The following SSU72 variants were observed in gnomAD, a reference collection of about 807,000 sequenced individuals.
SSU72 encodes the protein RNA polymerase II subunit A C-terminal domain phosphatase SSU72.
A neutral mutation model predicts 22.7 loss-of-function variants in SSU72; 12 were observed. The ratio of observed to expected loss-of-function variants is 0.53; its 90% CI spans 0.34 to 0.86. SSU72 has a LOEUF of 0.86. Ranked by LOEUF, SSU72 falls within the 40% of genes least tolerant of loss-of-function variation. SSU72 has a pLI of 0.02. For missense variants in SSU72, 151 were observed against 249.8 expected (o/e 0.60, Z 2.67); for synonymous variants, 116 against 98.3 (o/e 1.18, Z -1.06).
rs1025479385 is a variant in SSU72 at position 1,542,999 on chromosome 1, T to C, written c.484-832A>G. 6.6e-6 allele frequency among the ~76,000 whole-genome samples: 1 copy of C among 152,210 alleles called. No individual in the cohort carries two copies. Among genetic ancestry groups the C allele is most frequent in the Non-Finnish European group, 1.5e-5 (1 of 68,032 alleles). On this transcript the variant is annotated intron_variant, in intron 4 of 4. Coordinates refer to ENST00000291386, the MANE Select transcript of SSU72 (RefSeq NM_014188.3). This position sits in a 1 kb window ranked among gnomAD's most constrained non-coding sequence, Gnocchi z 4.4. Reference sequence around the variant, plus strand: ...GGCTTTCCAAACACACCATCTTCTTTCTTGGTGAAGCTGTTCTGTTTTTCT... The same window carrying C: ...GGCTTTCCAAACACACCATCTTCTTCCTTGGTGAAGCTGTTCTGTTTTTCT...
chr1:1,548,554 CAA>C (rs774463067), intron 2 of SSU72, among the ~76,000 whole-genome samples: 12 of 55,266 alleles, frequency 2.2e-4, no homozygotes, highest in Non-Finnish European at 3.3e-4. Context: ...GACTCTGTCT[CAA>C]AAAAAAAAAA....
At chr1:1,560,813 C>T (rs1184641382) in intron 2 of SSU72, 1 of 152,080 alleles carries the variant, frequency 6.6e-6, no homozygotes, top group African/African-American at 2.4e-5. Flanking sequence ...ACAGCAAGAC[C>T]CATATCTAAA....
At chr1:1,571,406 G>A (rs1178006392) in intron 1 of SSU72, among the ~76,000 whole-genome samples, 2 of 150,028 alleles carry the variant, frequency 1.3e-5, no homozygotes, top group Non-Finnish European at 3.0e-5. Flanking sequence ...ACTCCAGCCT[G>A]GGCGACAGAG....
intron 1 of SSU72, among the ~76,000 whole-genome samples, chr1:1,573,281 T>C (rs1398563646): frequency 9.8e-6 from 1 of 102,490 alleles, no homozygotes; most frequent in African/African-American, 5.1e-5. Flanking sequence ...AAAAAAAAAA[T>C]TAGCCGTGCC....
At chr1:1,552,988 T>A (rs1258136951) in intron 2 of SSU72, among the ~76,000 whole-genome samples, 1 of 133,780 alleles carries the variant, frequency 7.5e-6, no homozygotes, top group Non-Finnish European at 1.5e-5. Context: ...GCCATTGCAC[T>A]CCAGCCTGGG....
At chr1:1,562,822 C>T (rs1339828514) in intron 2 of SSU72, 3 of 152,340 alleles carry the variant, frequency 2.0e-5, no homozygotes, top group Non-Finnish European at 4.4e-5. Flanking sequence ...GACAGCTCCT[C>T]AGAAATCCTT....
intron 1 of SSU72, among the ~76,000 whole-genome samples, chr1:1,572,405 G>A (rs1464266604): frequency 6.7e-6 from 1 of 149,254 alleles, no homozygotes; most frequent in African/African-American, 2.5e-5. Context: ...TCCAGCCTGG[G>A]CTACAGACTC....
At chr1:1,559,967 C>T (rs1642567239) in intron 2 of SSU72, among the ~76,000 whole-genome samples, 1 of 152,122 alleles carries the variant, frequency 6.6e-6, no homozygotes, top group African/African-American at 2.4e-5. Flanking sequence ...TTGGGTGATC[C>T]GCCCACCTCG....
intron 4 of SSU72, among the ~76,000 whole-genome samples, chr1:1,543,149 G>T (rs1428719184): frequency 1.3e-5 from 2 of 152,250 alleles, no homozygotes; most frequent in African/African-American, 4.8e-5. Context: ...CAGCAGGGTG[G>T]CTACAGAAGC....
chr1:1,560,109 CT>C (rs1642569607), intron 2 of SSU72, among the ~76,000 whole-genome samples: 1 of 152,210 alleles, frequency 6.6e-6, no homozygotes. Flanking sequence ...CTGCCTCGGT[CT>C]CCCAGTATTG....
At chr1:1,550,812 G>A (rs945650712) in intron 2 of SSU72, among the ~76,000 whole-genome samples, 8 of 152,176 alleles carry the variant, frequency 5.3e-5, no homozygotes, top group African/African-American at 1.7e-4. Flanking sequence ...TTCATCAGCA[G>A]GAAGGCTGCA....
intron 2 of SSU72, among the ~76,000 whole-genome samples, chr1:1,558,490 C>T (rs1010509609): frequency 1.3e-5 from 2 of 152,218 alleles, no homozygotes; most frequent in Admixed American, 1.3e-4. Flanking sequence ...TCTCCAGCTG[C>T]ACGGCCAGAC....
At chr1:1,544,061 C>G (rs528184515) in intron 3 of SSU72, 74 bp from the exon 4 acceptor site, 3 of 1,164,858 alleles carry the variant, frequency 2.6e-6, no homozygotes, top group Admixed American at 1.8e-5. Flanking sequence ...GGCTGAGTCC[C>G]CAGCTCTGCC....
Position 1,570,911 on chromosome 1 carries a change from A to G in SSU72, c.80+3567T>C, listed in dbSNP as rs554500152. On this transcript the variant is annotated intron_variant, in intron 1 of 4. Coordinates refer to ENST00000291386, the MANE Select transcript of SSU72 (RefSeq NM_014188.3). The stretch of plus-strand genomic sequence containing the variant: ...CAGATCACGAGGTCAGGAGATCGAG[A>G]CCACCCTGGCCAACACAGTCAAACC... 8.0e-4 allele frequency among the ~76,000 whole-genome samples: 112 copies of G among 140,196 alleles called. 1 individual carries two copies. The highest frequency in any genetic ancestry group is 2.7e-3 in the African/African-American group (100 of 37,170). 92.0% of individuals were successfully genotyped at this position (140,196 alleles called of 152,430 possible). A position where few individuals can be genotyped will look rare whatever the true frequency, so the allele number is the denominator to read the frequency against.
intron 1 of SSU72, among the ~76,000 whole-genome samples, chr1:1,569,111 C>T (rs1027675009): frequency 2.6e-5 from 4 of 151,706 alleles, no homozygotes; most frequent in African/African-American, 4.9e-5. Flanking sequence ...GAGGCAGAGG[C>T]TGCAGTGAGC....
At chr1:1,573,265 CAAA>C (rs57824669) in intron 1 of SSU72, among the ~76,000 whole-genome samples, 4 of 131,296 alleles carry the variant, frequency 3.0e-5, no homozygotes, top group African/African-American at 8.4e-5. Context: ...ACTAAAAATA[CAAA>C]AAAAAAAAAA....
chr1:1,547,234 C>T (rs1022321731), intron 2 of SSU72, among the ~76,000 whole-genome samples: 1 of 152,076 alleles, frequency 6.6e-6, no homozygotes, highest in African/African-American at 2.4e-5. Flanking sequence ...GCCGTGGGGG[C>T]TCCTGGGGAT....
In SSU72 at chr1:1,564,445, AGT is replaced by A; in HGVS notation, c.224+326_224+327del. On this transcript the variant is annotated intron_variant, in intron 2 of 4. Coordinates refer to ENST00000291386, the MANE Select transcript of SSU72 (RefSeq NM_014188.3). Reference sequence around the variant, plus strand: ...AAAGGAAATAACGGGGCAGCCCTGCAGTGTGAAAAGCAATGGGATTTTGTGGG... The same window carrying A: ...AAAGGAAATAACGGGGCAGCCCTGCAGTGAAAAGCAATGGGATTTTGTGGG... 3 of 1,463,278 alleles carry A rather than the reference AGT, an allele frequency of 2.1e-6. No homozygotes were observed. The South Asian group carries it at 4.3e-5, about 21-fold the overall frequency. The allele number at this position is 1,463,278 out of a possible 1,614,324, so 90.6% of individuals were successfully genotyped here. A position where few individuals can be genotyped will look rare whatever the true frequency, so the allele number is the denominator to read the frequency against.
At chr1:1,543,139 C>CAGA (rs1354523415) in intron 4 of SSU72, among the ~76,000 whole-genome samples, 2 of 152,258 alleles carry the variant, frequency 1.3e-5, no homozygotes, top group Non-Finnish European at 2.9e-5. Flanking sequence ...CTCCACGCCG[C>CAGA]AGCAGGGTGG....
Sources: allele counts gnomAD v4.1 joint callset (sites outside exome capture counted in the v4.1 genomes callset), GRCh38; gene constraint gnomAD v4.1.1; non-coding constraint Gnocchi (gnomAD v3.1); transcripts MANE v1.5; gene names NCBI Gene and HGNC (gene_info 2026-07-23, HGNC 2026-07-21).